Variants in FRYL observed in about 807,000 individuals in gnomAD.
FRYL encodes the protein FRY like transcription coactivator, also known as protein furry homolog-like.
A neutral mutation model predicts 351.2 loss-of-function variants in FRYL; 150 were observed. The ratio of observed to expected loss-of-function variants is 0.43; its 90% CI spans 0.37 to 0.49. FRYL has a LOEUF of 0.49. FRYL is among the 20% of genes least tolerant of loss of function. FRYL has a pLI of 0.00. For synonymous variants in FRYL, 1,153 were observed against 1,257.1 expected (o/e 0.92, Z 1.75); for missense variants, 3,036 against 3,619.3 (o/e 0.84, Z 4.13).
intron 16 of FRYL, 79 bp from the exon 17 acceptor site, chr4:48,590,909 T>G: frequency 3.6e-6 from 4 of 1,114,202 alleles, no homozygotes; most frequent in Non-Finnish European, 5.1e-6. Flanking sequence ...ATTTCATCAG[T>G]AACATCAGAG....
intron 1 of FRYL, among the ~76,000 whole-genome samples, chr4:48,722,752 T>C (rs1461497599): frequency 1.3e-5 from 2 of 152,234 alleles, no homozygotes; most frequent in Admixed American, 1.3e-4. Flanking sequence ...GTTAAATGTC[T>C]TTTACATTTT....
chr4:48,535,904 C>T (rs556244865), intron 47 of FRYL, 77 bp from the exon 48 acceptor site: 37 of 1,087,752 alleles, frequency 3.4e-5, no homozygotes, highest in Non-Finnish European at 3.9e-5. Context: ...TAAATGTATT[C>T]GCTTAATGAA....
At position 48,651,213 on chromosome 4, in the gene FRYL, C is replaced by CGTGTGTGTGTGT. The variant is rs10604700; in HGVS notation, c.-80-16735_-80-16724dup. ...CCTGAGTAGCTGGGACCACATGCAC[C>CGTGTGTGTGTGT]GTGTGTGTGTGTGTGTGTGTGTGTG... On this transcript the variant is annotated intron_variant, in intron 3 of 63. Transcript: ENST00000358350. Among the ~76,000 whole-genome samples the CGTGTGTGTGTGT allele has an allele frequency of 1.8e-4, 19 of 104,960 alleles. 1 individual carries two copies. The highest frequency in any genetic ancestry group is 5.7e-4 in the African/African-American group (15 of 26,534). The allele number at this position is 104,960 out of a possible 152,430, so 68.9% of individuals were successfully genotyped here.
At chr4:48,671,877 A>AAC (rs1762803843) in intron 3 of FRYL, among the ~76,000 whole-genome samples, 10 of 147,392 alleles carry the variant, frequency 6.8e-5, no homozygotes, top group Admixed American at 2.0e-4. Context: ...AAAAAACAAA[A>AAC]AAAAAAAAAA....
chr4:48,775,736 G>A (rs1775948988), intron 1 of FRYL, among the ~76,000 whole-genome samples: 1 of 152,092 alleles, frequency 6.6e-6, no homozygotes, highest in Non-Finnish European at 1.5e-5. Flanking sequence ...GAAATAAGAA[G>A]AAATTAAAGT....
rs868825625 is a variant in FRYL at position 48,556,875 on chromosome 4, C to T, written c.4266+103G>A. 1.4e-5 allele frequency: 15 copies of T among 1,053,384 alleles called. No homozygotes were observed. In the South Asian group the frequency reaches 2.9e-4, roughly 21 times the overall value. The allele number at this position is 1,053,384 out of a possible 1,614,324, so 65.3% of individuals were successfully genotyped here. A position where few individuals can be genotyped will look rare whatever the true frequency, so the allele number is the denominator to read the frequency against. On this transcript the variant is annotated intron_variant, in intron 35 of 63. Transcript: ENST00000358350. ...TGACTGTCTTCATCCCGGCCCTTGC[C>T]TTGCCTTGCCTCTCCTGGGCAACTG...
At chr4:48,663,482 C>A (rs1331621894) in intron 3 of FRYL, among the ~76,000 whole-genome samples, 1 of 151,626 alleles carries the variant, frequency 6.6e-6, no homozygotes, top group Non-Finnish European at 1.5e-5. Context: ...AAACAAACAG[C>A]AAGACAGATT....
rs575046592 is a variant in FRYL at position 48,625,888 on chromosome 4, T to G, written c.121-2709A>C. Reference sequence around the variant, plus strand: ...TATATGGTAGTTAATACATATAAATTTAAAACTCTAGGAATATATATATCA... The same window carrying G: ...TATATGGTAGTTAATACATATAAATGTAAAACTCTAGGAATATATATATCA... On this transcript the variant is annotated intron_variant, in intron 4 of 63. Transcript: ENST00000358350. 6.6e-5 allele frequency among the ~76,000 whole-genome samples: 10 copies of G among 152,232 alleles called. No individual in the cohort carries two copies. The East Asian group carries it at 1.9e-3, about 29-fold the overall frequency.
Position 48,586,769 on chromosome 4 carries a change from A to G in FRYL, c.1641-41T>C, listed in dbSNP as rs1186504949. On this transcript the variant is annotated intron_variant, in intron 18 of 63. Coordinates refer to ENST00000358350, the MANE Select transcript of FRYL (RefSeq NM_015030.2). ...GGATTTAATAAGAAACATATTACATATGCTAGACAATGAAATCAAACTTGG... is the reference window on the plus strand; with the variant it reads ...GGATTTAATAAGAAACATATTACATGTGCTAGACAATGAAATCAAACTTGG... 3.1e-6 allele frequency: 4 copies of G among 1,286,368 alleles called. No individual in the cohort carries two copies. In the African/African-American group the frequency reaches 4.5e-5, roughly 15 times the overall value. 79.7% of individuals were successfully genotyped at this position (1,286,368 alleles called of 1,614,324 possible). A position where few individuals can be genotyped will look rare whatever the true frequency, so the allele number is the denominator to read the frequency against.
At chr4:48,569,340 CTT>C (rs1737712685) in intron 27 of FRYL, among the ~76,000 whole-genome samples, 1 of 152,090 alleles carries the variant, frequency 6.6e-6, no homozygotes, top group Non-Finnish European at 1.5e-5. Flanking sequence ...GAGTTTCACT[CTT>C]CTCACCCAGG....
chr4:48,639,869 A>T (rs1338340225), intron 3 of FRYL, among the ~76,000 whole-genome samples: 6 of 152,286 alleles, frequency 3.9e-5, no homozygotes, highest in African/African-American at 1.4e-4. Flanking sequence ...ACACCTTACC[A>T]GAAGAAGATG....
At position 48,703,420 on chromosome 4, in the gene FRYL, CT is replaced by C. The variant is rs1393550012; in HGVS notation, c.-204+7098del. ...CGTGACCCCCTCCAATGGATTACCC[CT>C]GCCACAGCCAGAGTGATCTCTTTAC... On this transcript the variant is annotated intron_variant, in intron 2 of 63. Coordinates refer to ENST00000358350, the MANE Select transcript of FRYL (RefSeq NM_015030.2). 2.6e-5 allele frequency among the ~76,000 whole-genome samples: 4 copies of C among 152,320 alleles called. No homozygotes were observed. The East Asian group carries it at 7.7e-4, about 29-fold the overall frequency.
At chr4:48,544,422 A>G (rs1372101511) in intron 43 of FRYL, among the ~76,000 whole-genome samples, 2 of 152,188 alleles carry the variant, frequency 1.3e-5, no homozygotes, top group African/African-American at 4.8e-5. Context: ...CAATTTGACT[A>G]TGATTTTCAG....
chr4:48,773,089 T>A (rs1413777819), intron 1 of FRYL, among the ~76,000 whole-genome samples: 7 of 152,208 alleles, frequency 4.6e-5, no homozygotes. Context: ...TGTAAAAGTA[T>A]AATCAACAGA....
chr4:48,608,877 A>T lies in FRYL; in HGVS notation c.572+110T>A, dbSNP rs1046786182. On this transcript the variant is annotated intron_variant, in intron 9 of 63. Coordinates refer to ENST00000358350, the MANE Select transcript of FRYL (RefSeq NM_015030.2). Reference sequence around the variant, plus strand: ...AAGTAATAAAAGGTGGAGCTGACTTAGTGCTATGGAAAATGGTGGATTTCG... The same window carrying T: ...AAGTAATAAAAGGTGGAGCTGACTTTGTGCTATGGAAAATGGTGGATTTCG... 3 of 727,548 alleles carry T rather than the reference A, an allele frequency of 4.1e-6. No individual in the cohort carries two copies. In the Admixed American group the frequency reaches 6.8e-5, roughly 16 times the overall value. The allele number at this position is 727,548 out of a possible 1,614,324, so 45.1% of individuals were successfully genotyped here. A position where few individuals can be genotyped will look rare whatever the true frequency, so the allele number is the denominator to read the frequency against.
chr4:48,708,193 C>T (rs188379973), intron 2 of FRYL, among the ~76,000 whole-genome samples: 181 of 151,710 alleles, frequency 1.2e-3, no homozygotes, highest in African/African-American at 4.1e-3. Flanking sequence ...GCAGGAGAAT[C>T]GCTTGAACCC....
At chr4:48,751,106 G>C (rs1773212126) in intron 1 of FRYL, among the ~76,000 whole-genome samples, 1 of 152,140 alleles carries the variant, frequency 6.6e-6, no homozygotes, top group South Asian at 2.1e-4. Context: ...ATATCTGTTA[G>C]AAAGGCCAAG....
chr4:48,768,794 GA>G (rs922244723), intron 1 of FRYL, among the ~76,000 whole-genome samples: 61 of 134,688 alleles, frequency 4.5e-4, no homozygotes, highest in Admixed American at 7.4e-4. Flanking sequence ...CTGTCTCAAA[GA>G]AAAAAAAAAA....
intron 47 of FRYL, 85 bp downstream of exon 47, chr4:48,539,886 A>T (rs891046015): frequency 2.1e-6 from 2 of 934,610 alleles, no homozygotes; most frequent in Admixed American, 2.4e-5. Flanking sequence ...CAATAAAAGG[A>T]GTTTTAAGAG....
Sources: allele counts gnomAD v4.1 joint callset (sites outside exome capture counted in the v4.1 genomes callset), GRCh38; gene constraint gnomAD v4.1.1; transcripts MANE v1.5; gene names NCBI Gene and HGNC (gene_info 2026-07-23, HGNC 2026-07-21).